TRPC7: variants seen among roughly 807,000 people sequenced by gnomAD.
TRPC7 encodes short transient receptor potential channel 7.
Under a neutral mutation model 90.1 loss-of-function variants are expected in TRPC7, and 42 were observed. The ratio of observed to expected loss-of-function variants is 0.47; its 90% confidence interval spans 0.36 to 0.60. The LOEUF (loss-of-function observed/expected upper bound fraction) is 0.60. TRPC7 is among the 20% of genes least tolerant of loss of function. TRPC7 has a pLI of 0.00. For synonymous variants in TRPC7, 451 were observed against 436.3 expected (o/e 1.03, Z -0.42); for missense variants, 955 against 1,112.3 (o/e 0.86, Z 2.01).
chr5:136,225,376 A>C (rs1208851981), intron 9 of TRPC7, 22 bp from the exon 10 acceptor site: 4 of 1,605,150 alleles, frequency 2.5e-6, no homozygotes, highest in Non-Finnish European at 3.4e-6. Context: ...AAACAAACCC[A>C]CACACATCAC....
At chr5:136,236,401 C>G (rs1755983082) in intron 7 of TRPC7, among the ~76,000 whole-genome samples, 1 of 152,184 alleles carries the variant, frequency 6.6e-6, no homozygotes, top group Non-Finnish European at 1.5e-5. Flanking sequence ...CATCACAGAC[C>G]CTTGATTTCA....
chr5:136,218,394 T>G (rs531643254), intron 10 of TRPC7, among the ~76,000 whole-genome samples: 1 of 152,180 alleles, frequency 6.6e-6, no homozygotes, highest in Non-Finnish European at 1.5e-5. Context: ...GTTCTTCCAC[T>G]GCAATCTTTC....
chr5:136,269,888 A>G (rs929278042), intron 4 of TRPC7, among the ~76,000 whole-genome samples: 2 of 152,068 alleles, frequency 1.3e-5, no homozygotes. Flanking sequence ...TTACATTACA[A>G]TGTCAATCTA....
Position 136,292,216 on chromosome 5 carries a change from C to T in TRPC7, c.964-17379G>A, listed in dbSNP as rs1367064966. ...GAAAGGTCTAAAATTGACACCCTAA[C>T]ATCACAATTAAAAGAACTAGAGAAG... On this transcript the variant is annotated intron_variant, in intron 3 of 11. Transcript: ENST00000513104. 2.0e-5 allele frequency among the ~76,000 whole-genome samples: 3 copies of T among 152,152 alleles called. 1 individual carries two copies. The South Asian group carries it at 6.2e-4, about 32-fold the overall frequency.
chr5:136,227,950 T>C (rs1282925449), intron 8 of TRPC7, among the ~76,000 whole-genome samples: 1 of 152,204 alleles, frequency 6.6e-6, no homozygotes, highest in Non-Finnish European at 1.5e-5. Context: ...AGCATAGGCC[T>C]GGTAGTCAAC....
chr5:136,294,528 C>T (rs1468741776), intron 3 of TRPC7, among the ~76,000 whole-genome samples: 2 of 152,010 alleles, frequency 1.3e-5, no homozygotes, highest in African/African-American at 4.8e-5. Flanking sequence ...AGCCAAAAAA[C>T]ACATGAAAAA....
At chr5:136,237,030 T>C (rs562688449) in intron 7 of TRPC7, among the ~76,000 whole-genome samples, 1 of 152,338 alleles carries the variant, frequency 6.6e-6, no homozygotes, top group East Asian at 1.9e-4. Context: ...GTTGGGCTGA[T>C]GGAGGAAGAT....
intron 1 of TRPC7, among the ~76,000 whole-genome samples, chr5:136,361,104 C>T (rs1760554517): frequency 6.6e-6 from 1 of 152,052 alleles, no homozygotes; most frequent in Non-Finnish European, 1.5e-5. Flanking sequence ...GATGTGCTGC[C>T]CTGATGAACT....
chr5:136,313,423 C>G (rs1291987115), intron 3 of TRPC7, among the ~76,000 whole-genome samples: 1 of 152,030 alleles, frequency 6.6e-6, no homozygotes, highest in Non-Finnish European at 1.5e-5. Context: ...ATCTATCTGT[C>G]TATCAAGTTG....
chr5:136,289,333 A>G (rs558694463), intron 3 of TRPC7, among the ~76,000 whole-genome samples: 63 of 152,376 alleles, frequency 4.1e-4, no homozygotes, highest in African/African-American at 1.4e-3. Context: ...CGTGAGCCGA[A>G]GCAGGGCAAG....
At chr5:136,312,941 A>G (rs1430837391) in intron 3 of TRPC7, among the ~76,000 whole-genome samples, 2 of 135,564 alleles carry the variant, frequency 1.5e-5, no homozygotes, top group African/African-American at 5.4e-5. Context: ...TGTAATACAT[A>G]TTGTATCCTT....
intron 1 of TRPC7, among the ~76,000 whole-genome samples, chr5:136,361,411 T>A (rs1214653633): frequency 6.6e-6 from 1 of 152,148 alleles, no homozygotes; most frequent in African/African-American, 2.4e-5. Context: ...AACTCCCTCT[T>A]GATCCTTCAG....
chr5:136,324,227 T>C (rs1759279336), intron 2 of TRPC7, among the ~76,000 whole-genome samples: 1 of 152,184 alleles, frequency 6.6e-6, no homozygotes, highest in Non-Finnish European at 1.5e-5. Context: ...AAACATGTTG[T>C]CTGAAAATAT....
At chr5:136,287,077 C>T (rs1757743368) in intron 3 of TRPC7, among the ~76,000 whole-genome samples, 1 of 152,192 alleles carries the variant, frequency 6.6e-6, no homozygotes, top group Non-Finnish European at 1.5e-5. Flanking sequence ...CCGCCTACCG[C>T]TCCCTAAGCC....
intron 2 of TRPC7, among the ~76,000 whole-genome samples, chr5:136,328,670 C>G (rs1039366101): frequency 2.0e-5 from 3 of 152,192 alleles, no homozygotes; most frequent in African/African-American, 7.2e-5. Context: ...TTGCAAGGAG[C>G]AAACTGAAAA....
intron 2 of TRPC7, among the ~76,000 whole-genome samples, chr5:136,331,288 GGATTGGCT>G (rs1759492435): frequency 6.6e-6 from 1 of 152,088 alleles, no homozygotes; most frequent in Non-Finnish European, 1.5e-5. Context: ...TTTTGCCCAA[GGATTGGCT>G]CATGGAAGAT....
chr5:136,240,428 G>A (rs1180549498), intron 7 of TRPC7, among the ~76,000 whole-genome samples: 1 of 152,172 alleles, frequency 6.6e-6, no homozygotes, highest in Non-Finnish European at 1.5e-5. Flanking sequence ...AACACCACTT[G>A]GCATAGAGTA....
rs905128374 is a variant in TRPC7, at chr5:136,310,527, A to T, written c.963+5070T>A. Among the ~76,000 whole-genome samples the T allele has an allele frequency of 3.3e-5, 5 of 152,134 alleles. No homozygotes were observed. In the East Asian group the frequency reaches 7.8e-4, roughly 24 times the overall value. On this transcript the variant is annotated intron_variant, in intron 3 of 11. Transcript: ENST00000513104. ...CAGAGCCAGGAAAAGTCACCTCAAC[A>T]TTTCAGGGTCTGGAAGGCTCAGGAG...
At chr5:136,252,529 A>G (rs1272228825) in intron 5 of TRPC7, among the ~76,000 whole-genome samples, 1 of 148,774 alleles carries the variant, frequency 6.7e-6, no homozygotes, top group East Asian at 2.0e-4. Flanking sequence ...TATAAACAAA[A>G]TGTTACTAGT....
Sources: gnomAD v4.1 joint callset for allele counts (sites outside exome capture counted in the v4.1 genomes callset) on GRCh38, gnomAD v4.1.1 for gene constraint, MANE v1.5 for transcripts, NCBI Gene and HGNC (gene_info 2026-07-23, HGNC 2026-07-21) for gene names.